The following AREL1 variants were observed in gnomAD, a reference collection of about 807,000 sequenced individuals.
The protein encoded by AREL1 is apoptosis-resistant E3 ubiquitin protein ligase 1.
Under a neutral mutation model 99.0 loss-of-function variants are expected in AREL1, and 62 were observed. The observed-to-expected ratio is 0.63, with a 90% CI of 0.51 to 0.77. The LOEUF (loss-of-function observed/expected upper bound fraction) is 0.77, where lower values mean the gene tolerates loss of function less well. AREL1 is among the 30% of genes least tolerant of loss of function. The pLI is 0.00. For synonymous variants in AREL1, 380 were observed against 376.5 expected (o/e 1.01, Z -0.11); for missense variants, 879 against 1,027.6 (o/e 0.86, Z 1.98).
chr14:74,690,656 T>G (rs1049763221), intron 2 of AREL1, among the ~76,000 whole-genome samples: 1 of 152,226 alleles, frequency 6.6e-6, no homozygotes, highest in African/African-American at 2.4e-5. Flanking sequence ...CTAATTGCAG[T>G]ACAAACAAGT....
At chr14:74,686,037 T>C (rs1230661884) in intron 2 of AREL1, among the ~76,000 whole-genome samples, 1 of 152,222 alleles carries the variant, frequency 6.6e-6, no homozygotes, top group African/African-American at 2.4e-5. Flanking sequence ...ATGGAGTCAC[T>C]TTCCCCTTAT....
At chr14:74,671,914 G>A (rs555175965) in intron 11 of AREL1, 19 of 423,848 alleles carry the variant, frequency 4.5e-5, no homozygotes, top group African/African-American at 2.0e-4. Context: ...TTCAGACAGC[G>A]AGCCATGCCA....
At chr14:74,704,222 G>A (rs561137436) in intron 1 of AREL1, among the ~76,000 whole-genome samples, 1 of 152,170 alleles carries the variant, frequency 6.6e-6, no homozygotes, top group East Asian at 1.9e-4. Flanking sequence ...CATTCTAAAT[G>A]TGAACCCCGA....
intron 1 of AREL1, among the ~76,000 whole-genome samples, chr14:74,702,231 T>C (rs999158444): frequency 6.6e-6 from 1 of 152,142 alleles, no homozygotes; most frequent in South Asian, 2.1e-4. Context: ...CCCCCCAACA[T>C]TGCCCTAGCA....
At chr14:74,698,027 T>G (rs988689222) in intron 1 of AREL1, among the ~76,000 whole-genome samples, 1 of 152,180 alleles carries the variant, frequency 6.6e-6, no homozygotes, top group African/African-American at 2.4e-5. Flanking sequence ...AACTCATAGA[T>G]AATAAAACAG....
intron 1 of AREL1, among the ~76,000 whole-genome samples, chr14:74,699,494 C>T (rs1040087627): frequency 1.1e-4 from 17 of 152,100 alleles, no homozygotes; most frequent in African/African-American, 3.4e-4. Flanking sequence ...GCACCCTAAG[C>T]CCTGGCCACC....
rs2089489840 is a variant in AREL1, at chr14:74,676,771, A to C, written c.482-19T>G. 6.6e-7 allele frequency: 1 copy of C among 1,512,348 alleles called. No individual in the cohort carries two copies. Among genetic ancestry groups the C allele is most frequent in the African/African-American group, 1.4e-5 (1 of 70,210 alleles). 93.7% of individuals were successfully genotyped at this position (1,512,348 alleles called of 1,614,324 possible). ...ACCATTCCTGGAACAAAGACAATGG[A>C]ATCTAACATTTATTTATTTTATTTT... On this transcript the variant is annotated intron_variant, in intron 5 of 19. Coordinates refer to ENST00000356357, the MANE Select transcript of AREL1 (RefSeq NM_001039479.2).
rs2089344082 is a variant in AREL1, at chr14:74,671,485, T to C, written c.1423-2A>G. 6.3e-7 allele frequency: 1 copy of C among 1,585,660 alleles called. No homozygotes were observed. The highest frequency in any genetic ancestry group is 8.6e-7 in the Non-Finnish European group (1 of 1,165,178). On this transcript the variant is annotated splice_acceptor_variant, in intron 11 of 19. Coordinates refer to ENST00000356357, the MANE Select transcript of AREL1 (RefSeq NM_001039479.2). LOFTEE classifies it high-confidence loss of function. Reference sequence around the variant, plus strand: ...GAAATTCCGAGTGGCTTTCAGAGACTGAAAAGAAGTGAAAGGAAGGGAATT... The same window carrying C: ...GAAATTCCGAGTGGCTTTCAGAGACCGAAAAGAAGTGAAAGGAAGGGAATT...
intron 1 of AREL1, among the ~76,000 whole-genome samples, chr14:74,693,739 C>T (rs1361937992): frequency 6.6e-6 from 1 of 152,186 alleles, no homozygotes; most frequent in African/African-American, 2.4e-5. Flanking sequence ...CTTTTAATGA[C>T]TACTCTACTG....
intron 1 of AREL1, among the ~76,000 whole-genome samples, chr14:74,694,953 C>T (rs1439212994): frequency 9.5e-5 from 13 of 136,320 alleles, no homozygotes; most frequent in African/African-American, 3.4e-4. Context: ...TGCGCCACTG[C>T]ACTCCAGCCT....
intron 1 of AREL1, among the ~76,000 whole-genome samples, chr14:74,703,486 A>C (rs1406450149): frequency 6.6e-6 from 1 of 152,240 alleles, no homozygotes; most frequent in Non-Finnish European, 1.5e-5. Context: ...ATATCAAAAG[A>C]TAATGAGTAG....
intron 11 of AREL1, 75 bp from the exon 12 acceptor site, chr14:74,671,558 G>A: frequency 1.0e-6 from 1 of 982,234 alleles, no homozygotes. Context: ...CAACACAAGA[G>A]CACTGCCATT....
chr14:74,696,312 T>C (rs1441799567), intron 1 of AREL1, among the ~76,000 whole-genome samples: 1 of 152,236 alleles, frequency 6.6e-6, no homozygotes, highest in East Asian at 1.9e-4. Context: ...AAACTTGCAA[T>C]GTTATGCAAA....
intron 1 of AREL1, among the ~76,000 whole-genome samples, chr14:74,697,381 C>A (rs2089998278): frequency 6.6e-6 from 1 of 152,092 alleles, no homozygotes; most frequent in Non-Finnish European, 1.5e-5. Context: ...CTTAAAAAAA[C>A]AAACTATTCA....
chr14:74,707,368 TA>T (rs943851829), intron 1 of AREL1, among the ~76,000 whole-genome samples: 12 of 140,420 alleles, frequency 8.5e-5, no homozygotes, highest in African/African-American at 7.9e-5. Flanking sequence ...AACTCCATTT[TA>T]AAAAAAAAAG....
chr14:74,671,535 TG>T, intron 11 of AREL1, 52 bp from the exon 12 acceptor site: 2 of 1,301,710 alleles, frequency 1.5e-6, no homozygotes, highest in Non-Finnish European at 2.2e-6. Flanking sequence ...TGGTGTCCTC[TG>T]GATGTTAAAG....
intron 1 of AREL1, among the ~76,000 whole-genome samples, chr14:74,695,560 T>C (rs577834621): frequency 6.6e-6 from 1 of 152,062 alleles, no homozygotes; most frequent in South Asian, 2.1e-4. Flanking sequence ...ACTCAAGCAC[T>C]CCCCCTTCTC....
intron 5 of AREL1, among the ~76,000 whole-genome samples, chr14:74,680,133 T>C (rs1446700835): frequency 1.4e-5 from 2 of 147,180 alleles, no homozygotes; most frequent in Non-Finnish European, 1.5e-5. Context: ...TGAGTCAAGG[T>C]AGCACCACTG....
intron 11 of AREL1, chr14:74,671,825 G>A: frequency 4.3e-6 from 1 of 233,136 alleles, no homozygotes; most frequent in South Asian, 4.7e-5. Flanking sequence ...TCAGTAAGCT[G>A]TAGGCAAAAG....
Sources: gnomAD v4.1 joint callset for allele counts (sites outside exome capture counted in the v4.1 genomes callset) on GRCh38, gnomAD v4.1.1 for gene constraint, MANE v1.5 for transcripts, NCBI Gene and HGNC (gene_info 2026-07-23, HGNC 2026-07-21) for gene names.